The following ERMP1 variants were observed in gnomAD, a reference collection of about 807,000 sequenced individuals.
ERMP1 encodes Felix-ina.
In ERMP1, 86 loss-of-function variants were observed where a neutral mutation model predicts 92.0. The observed-to-expected ratio is 0.93, with a 90% CI of 0.79 to 1.12. ERMP1 has a LOEUF of 1.12. Ranked by LOEUF, ERMP1 falls within the 50% of genes most tolerant of loss-of-function variation. The pLI, the probability that ERMP1 is intolerant of heterozygous loss-of-function variation, is 0.00. For synonymous variants in ERMP1, 530 were observed against 412.8 expected (o/e 1.28, Z -3.44); for missense variants, 1,342 against 1,116.3 (o/e 1.20, Z -2.88).
chr9:5,787,118 C>A lies in ERMP1; in HGVS notation c.*26G>T. On this transcript the variant is annotated 3_prime_UTR_variant, in exon 15 of 15. Coordinates refer to ENST00000339450, the MANE Select transcript of ERMP1 (RefSeq NM_024896.3). ...CATGTCACATGGAGTATCCACTGGG[C>A]ATGTACTTAGAGCTCATCCACAAGA... The A allele has an allele frequency of 6.3e-7, 1 of 1,599,228 alleles. No homozygotes were observed. The highest frequency in any genetic ancestry group is 1.1e-5 in the South Asian group (1 of 88,560).
At chr9:5,831,973 G>A (rs187538092) in intron 1 of ERMP1, among the ~76,000 whole-genome samples, 1 of 151,984 alleles carries the variant, frequency 6.6e-6, no homozygotes, top group Admixed American at 6.6e-5. Context: ...AAACTTTTTA[G>A]AACACAGTAG....
intron 13 of ERMP1, among the ~76,000 whole-genome samples, chr9:5,797,230 C>G (rs563660468): frequency 6.6e-6 from 1 of 151,442 alleles, no homozygotes. Context: ...TTTGTAGAGA[C>G]GGGATGTCAC....
intron 4 of ERMP1, among the ~76,000 whole-genome samples, chr9:5,823,378 C>T (rs925208930): frequency 6.6e-6 from 1 of 152,290 alleles, no homozygotes; most frequent in East Asian, 1.9e-4. Context: ...GTTACATACA[C>T]TACAGGTAAA....
At chr9:5,859,970 A>T (rs1830439522) in intron 5 of ERMP1, among the ~76,000 whole-genome samples, 1 of 152,186 alleles carries the variant, frequency 6.6e-6, no homozygotes, top group African/African-American at 2.4e-5. Flanking sequence ...TTAATAAAGA[A>T]TTCTTACATG....
intron 1 of ERMP1, 29 bp downstream of exon 1, chr9:5,832,661 G>T: frequency 2.2e-6 from 3 of 1,368,422 alleles, no homozygotes; most frequent in South Asian, 1.6e-5. Flanking sequence ...ACGGACGCGC[G>T]GGCCGTGCCA....
At chr9:5,787,615 G>C (rs761216125) in intron 13 of ERMP1, 22 bp from the exon 14 acceptor site, 15 of 1,595,180 alleles carry the variant, frequency 9.4e-6, no homozygotes, top group Middle Eastern at 1.7e-4. Context: ...AAGGAAGAAA[G>C]AACAGTTAAT....
intron 6 of ERMP1, among the ~76,000 whole-genome samples, chr9:5,847,246 T>C (rs1433801778): frequency 6.6e-6 from 1 of 152,110 alleles, no homozygotes; most frequent in African/African-American, 2.4e-5. Context: ...TCATCACTGA[T>C]TGTGATGCTC....
At chr9:5,853,731 T>TA (rs1830337937) in intron 6 of ERMP1, among the ~76,000 whole-genome samples, 1 of 150,934 alleles carries the variant, frequency 6.6e-6, no homozygotes, top group Non-Finnish European at 1.5e-5. Flanking sequence ...TGTGTTAGAA[T>TA]CACCCAGAAG....
Position 5,830,837 on chromosome 9 carries a change from G to C in ERMP1, c.530C>G (p.Thr177Arg), listed in dbSNP as rs772450366. 1 of 1,614,096 alleles carries C rather than the reference G, an allele frequency of 6.2e-7. No homozygotes were observed. Among genetic ancestry groups the C allele is most frequent in the Non-Finnish European group, 8.5e-7 (1 of 1,179,962 alleles). ...ATTGGTGATGTTGTCATAATAGCTTGTAAAACCTCCCAAGAAATCAATGCT... is the reference window on the plus strand; with the variant it reads ...ATTGGTGATGTTGTCATAATAGCTTCTAAAACCTCCCAAGAAATCAATGCT... ...SFSIDFLGGFTSYYDNITNVV... is the reference protein window; with the variant it reads ...SFSIDFLGGFRSYYDNITNVV... Residue 177 changes from threonine to arginine, a missense_variant, in exon 2 of 15, where the codon ACA (threonine) becomes AGA (arginine). Transcript: ENST00000339450.
chr9:5,810,068 A>T lies in ERMP1; in HGVS notation c.1491T>A (p.Thr497=). The change falls in exon 8 of 15, where the codon ACT becomes ACA. Residue 497 remains threonine (T), a synonymous_variant. Coordinates refer to ENST00000339450, the MANE Select transcript of ERMP1 (RefSeq NM_024896.3). ...HFYVSVCLYG[T]ATVAKIILIH... is the part of the protein sequence containing the mutation. ...TAAGTATTATTTTGGCTACAGTTGCAGTTCCATACAGACAAACGGAGACAT... is the reference window on the plus strand; with the variant it reads ...TAAGTATTATTTTGGCTACAGTTGCTGTTCCATACAGACAAACGGAGACAT... 1 of 1,613,924 alleles carries T rather than the reference A, an allele frequency of 6.2e-7. No homozygotes were observed. The highest frequency in any genetic ancestry group is 8.5e-7 in the Non-Finnish European group (1 of 1,179,830).
intron 6 of ERMP1, among the ~76,000 whole-genome samples, chr9:5,857,517 T>C (rs1830393458): frequency 6.6e-6 from 1 of 152,206 alleles, no homozygotes; most frequent in Admixed American, 6.5e-5. Context: ...TTTGCAAATA[T>C]AGAATCTGCA....
rs1466325313 is a variant in ERMP1, at chr9:5,827,927, G to A, written c.641-2708C>T. 3.3e-5 allele frequency among the ~76,000 whole-genome samples: 5 copies of A among 152,302 alleles called. No individual in the cohort carries two copies. The East Asian group carries it at 5.8e-4, about 18-fold the overall frequency. On this transcript the variant is annotated intron_variant, in intron 2 of 14. Coordinates refer to ENST00000339450, the MANE Select transcript of ERMP1 (RefSeq NM_024896.3). ...CGGGAGGCAGAGCTTGCAGTGAGCC[G>A]AGATCGCGCCACTGCACTCTAGCCT... is the stretch of plus-strand genomic sequence containing the variant.
chr9:5,864,995 G>A (rs1451597877), intron 5 of ERMP1, among the ~76,000 whole-genome samples: 1 of 152,084 alleles, frequency 6.6e-6, no homozygotes, highest in East Asian at 1.9e-4. Context: ...AATCACTGAA[G>A]GAAAAATCCT....
intron 4 of ERMP1, among the ~76,000 whole-genome samples, chr9:5,817,088 T>G (rs542567190): frequency 6.7e-6 from 1 of 150,286 alleles, no homozygotes; most frequent in African/African-American, 2.5e-5. Context: ...TTAGTAGAGA[T>G]GGGGTTTCAC....
chr9:5,862,036 T>C (rs1444205803), intron 5 of ERMP1, among the ~76,000 whole-genome samples: 1 of 152,016 alleles, frequency 6.6e-6, no homozygotes, highest in African/African-American at 2.4e-5. Flanking sequence ...TGTATGTATG[T>C]ATTTATTTAT....
At position 5,824,104 on chromosome 9, in the gene ERMP1, A is replaced by T. The variant is rs1263408025; in HGVS notation, c.769-103T>A. 4.9e-5 allele frequency: 40 copies of T among 811,146 alleles called. No homozygotes were observed. The Middle Eastern group carries it at 2.3e-3, about 46-fold the overall frequency. 50.2% of individuals were successfully genotyped at this position (811,146 alleles called of 1,614,324 possible). ...AGACTACTTTGATGAGGTAAGGAAT[A>T]TGAAAACAAAATAATCGCTCTTCAA... On this transcript the variant is annotated intron_variant, in intron 3 of 14. Coordinates refer to ENST00000339450, the MANE Select transcript of ERMP1 (RefSeq NM_024896.3).
upstream of ERMP1, among the ~76,000 whole-genome samples, chr9:5,837,285 T>C (rs983539396): frequency 6.6e-6 from 1 of 152,110 alleles, no homozygotes; most frequent in African/African-American, 2.4e-5. Flanking sequence ...ACCTGGCCAA[T>C]TGGTTCTTTA....
At chr9:5,817,529 C>T (rs572984551) in intron 4 of ERMP1, among the ~76,000 whole-genome samples, 34 of 152,376 alleles carry the variant, frequency 2.2e-4, no homozygotes, top group African/African-American at 7.0e-4. Flanking sequence ...CCTACCTCCA[C>T]GCAAAACCTT....
At position 5,823,965 on chromosome 9, in the gene ERMP1, T is replaced by C. The variant is rs1327165964; in HGVS notation, c.805A>G (p.Ser269Gly). 1 of 1,614,142 alleles carries C rather than the reference T, an allele frequency of 6.2e-7. No individual in the cohort carries two copies. Among genetic ancestry groups the C allele is most frequent in the Admixed American group, 1.7e-5 (1 of 60,018 alleles). The change falls in exon 4 of 15, where the codon AGC becomes GGC. Residue 269 changes from serine to glycine, a missense_variant. Coordinates refer to ENST00000339450, the MANE Select transcript of ERMP1 (RefSeq NM_024896.3). ...HGFITQHPWA[S>G]LIRAFINLEA... is the part of the protein sequence containing the mutation. ...AGGTTAATGAATGCACGAATCAAGC[T>C]AGCCCAGGGGTGCTGAGTAATGAAA...
Sources: allele counts gnomAD v4.1 joint callset (sites outside exome capture counted in the v4.1 genomes callset), GRCh38; gene constraint gnomAD v4.1.1; transcripts MANE v1.5; gene names NCBI Gene and HGNC (gene_info 2026-07-23, HGNC 2026-07-21).